Variants in ELP6 observed in about 807,000 individuals in gnomAD.
The protein encoded by ELP6 is elongator complex protein 6.
Under a neutral mutation model 28.1 loss-of-function variants are expected in ELP6, and 23 were observed. The ratio of observed to expected loss-of-function variants is 0.82; its 90% CI spans 0.59 to 1.16. The LOEUF (loss-of-function observed/expected upper bound fraction) is 1.16, where lower values mean the gene tolerates loss of function less well. ELP6 is among the 50% of genes most tolerant of loss of function. The probability of loss-of-function intolerance (pLI) is 0.00; values close to 1 mark genes in which losing one functional copy is unlikely to be tolerated. For synonymous variants in ELP6, 132 were observed against 135.8 expected, an observed-to-expected ratio of 0.97 and a Z score of 0.19; for missense variants, 313 against 334.6, an observed-to-expected ratio of 0.94 and a Z score of 0.50.
chr3:47,496,434 G>GA (rs1240328472), intron 6 of ELP6: 74 of 972,514 alleles, frequency 7.6e-5, no homozygotes, highest in Admixed American at 1.3e-4. Context: ...TGTGAAAGAG[G>GA]AAAAAAAAAG....
intron 3 of ELP6, among the ~76,000 whole-genome samples, chr3:47,507,361 CAAA>C (rs11314928): frequency 1.3e-4 from 14 of 106,934 alleles, no homozygotes; most frequent in Non-Finnish European, 1.4e-4. Flanking sequence ...AACTCTGTCT[CAAA>C]AAAAAAAAAA....
intron 6 of ELP6, 132 bp downstream of exon 6, chr3:47,498,154 A>G (rs1708532626): frequency 1.4e-6 from 2 of 1,417,816 alleles, no homozygotes; most frequent in African/African-American, 2.8e-5. Flanking sequence ...AAGTCTCACA[A>G]TTTCCAGTGT....
chr3:47,498,528 T>A, intron 5 of ELP6, 96 bp from the exon 6 acceptor site: 10 of 1,548,880 alleles, frequency 6.5e-6, no homozygotes, highest in Admixed American at 1.7e-5. Context: ...CCCCTGTACA[T>A]CCTCTCACAG....
intron 4 of ELP6, chr3:47,504,129 T>C (rs1041426797): frequency 1.2e-5 from 7 of 606,478 alleles, no homozygotes; most frequent in Non-Finnish European, 1.9e-5. Context: ...ATCCTCTCTA[T>C]AGCTTTTGGG....
chr3:47,507,291 G>A (rs1708866355), intron 3 of ELP6, among the ~76,000 whole-genome samples: 1 of 150,228 alleles, frequency 6.7e-6, no homozygotes, highest in Non-Finnish European at 1.5e-5. Flanking sequence ...AACCTGGGAA[G>A]CGGAGGTTAT....
rs1448823728 is a variant in ELP6, at chr3:47,504,445, C to T, written c.208G>A (p.Val70Ile). Residue 70 changes from valine (V) to isoleucine (I), a missense_variant, in exon 4 of 7, where the codon GTC (valine) becomes ATC (isoleucine). Coordinates refer to ENST00000296149, the MANE Select transcript of ELP6 (RefSeq NM_001031703.3). ...CGCTCCCGCGCCATGGTCAGGCTGA[C>T]ACCCTAAACATGAAAAAGAGAGTGA... The part of the protein sequence containing the change: ...HYSIVGQKLG[V>I]SLTMARERGQ... 6.2e-7 allele frequency: 1 copy of T among 1,600,028 alleles called. No homozygotes were observed. Among genetic ancestry groups the T allele is most frequent in the Non-Finnish European group, 8.5e-7 (1 of 1,172,028 alleles).
chr3:47,507,630 CAAA>C (rs915946145), intron 3 of ELP6, among the ~76,000 whole-genome samples: 9 of 88,328 alleles, frequency 1.0e-4, no homozygotes, highest in Admixed American at 1.2e-4. Flanking sequence ...ACCCATTCTC[CAAA>C]AAAAAAAAAA....
At chr3:47,509,639 G>T (rs906057311) in intron 3 of ELP6, among the ~76,000 whole-genome samples, 2 of 152,192 alleles carry the variant, frequency 1.3e-5, no homozygotes, top group African/African-American at 4.8e-5. Context: ...ACCTTAACTG[G>T]TCCAGAATGA....
chr3:47,501,442 T>A (rs993693034), intron 5 of ELP6: 1 of 583,724 alleles, frequency 1.7e-6, no homozygotes, highest in Non-Finnish European at 3.1e-6. Flanking sequence ...CTGAATGCAA[T>A]GTTGATCATC....
intron 3 of ELP6, among the ~76,000 whole-genome samples, chr3:47,505,229 G>GCC (rs1354808827): frequency 1.3e-5 from 2 of 152,176 alleles, no homozygotes; most frequent in South Asian, 2.1e-4. Context: ...TCTCACCAGT[G>GCC]CCCTCCAGCC....
At position 47,511,214 on chromosome 3, in the gene ELP6, G is replaced by T; in HGVS notation, c.67C>A (p.Leu23Ile). 1 of 1,614,112 alleles carries T rather than the reference G, an allele frequency of 6.2e-7. No individual in the cohort carries two copies. The highest frequency in any genetic ancestry group is 8.5e-7 in the Non-Finnish European group (1 of 1,180,008). ...CCATCTGTCTTGGCATCACAGAGTA[G>T]AGTCAGTTTCCCCTAAAAGTTACAA... ...PDRAEQGKLT[L>I]LCDAKTDGSF... Residue 23 changes from leucine (L) to isoleucine (I), a missense_variant, in exon 2 of 7, where the codon CTA becomes ATA. Transcript: ENST00000296149.
At chr3:47,510,160 ATC>A in intron 3 of ELP6, 22 bp downstream of exon 3, 1 of 1,584,790 alleles carries the variant, frequency 6.3e-7, no homozygotes, top group Non-Finnish European at 8.7e-7. Flanking sequence ...CAGGGACCTC[ATC>A]ATGGAGCTCC....
At chr3:47,507,903 A>G (rs1708889886) in intron 3 of ELP6, among the ~76,000 whole-genome samples, 1 of 151,888 alleles carries the variant, frequency 6.6e-6, no homozygotes, top group Non-Finnish European at 1.5e-5. Flanking sequence ...AGTACTGTGC[A>G]TGCCATTCCT....
At chr3:47,500,078 C>A in intron 5 of ELP6, 1 of 1,233,780 alleles carries the variant, frequency 8.1e-7, no homozygotes. Flanking sequence ...GAGCAGTGGG[C>A]TTGTGAACGG....
intron 3 of ELP6, among the ~76,000 whole-genome samples, chr3:47,505,301 C>A (rs116760504): frequency 0.037 from 5,604 of 151,968 alleles, 146 homozygotes; most frequent in South Asian, 0.079. Flanking sequence ...AACAAAAAAA[C>A]CCCCACAAAA....
intron 3 of ELP6, among the ~76,000 whole-genome samples, chr3:47,509,000 G>A (rs1355060008): frequency 3.3e-5 from 5 of 151,886 alleles, no homozygotes; most frequent in Non-Finnish European, 1.5e-5. Flanking sequence ...TCCTGACCTC[G>A]TGATCTGCCC....
intron 3 of ELP6, chr3:47,504,804 A>T (rs577974722): frequency 1.5e-4 from 36 of 233,746 alleles, no homozygotes; most frequent in Non-Finnish European, 1.9e-4. Flanking sequence ...AAAAAAATTT[A>T]AAAAAATTAG....
At chr3:47,509,950 T>G in intron 3 of ELP6, 1 of 361,632 alleles carries the variant, frequency 2.8e-6, no homozygotes, top group Non-Finnish European at 5.0e-6. Context: ...TTAGTAGAGA[T>G]GGGGTTTCAC....
chr3:47,501,899 G>A (rs3816779), intron 4 of ELP6, 48 bp from the exon 5 acceptor site: 889,554 of 1,554,848 alleles, frequency 0.57, 259,657 homozygotes, highest in Non-Finnish European at 0.6. Flanking sequence ...CTCTACAGAT[G>A]TTTATCAAGG....
Sources: gnomAD v4.1 joint callset for allele counts (sites outside exome capture counted in the v4.1 genomes callset) on GRCh38, gnomAD v4.1.1 for gene constraint, MANE v1.5 for transcripts, NCBI Gene and HGNC (gene_info 2026-07-23, HGNC 2026-07-21) for gene names.